Variants in CTBP1 observed in about 807,000 individuals in gnomAD.
The protein encoded by CTBP1 is C-terminal-binding protein 1.
In CTBP1, 11 loss-of-function variants were observed where a neutral mutation model predicts 42.1. That is an observed-to-expected ratio of 0.26 (90% CI 0.16 to 0.43). The LOEUF (loss-of-function observed/expected upper bound fraction) is 0.43, where lower values mean the gene tolerates loss of function less well. Among genes scored for constraint, CTBP1 ranks in the 20% least tolerant of loss-of-function variants. The probability of loss-of-function intolerance (pLI) is 1.00; values close to 1 mark genes in which losing one functional copy is unlikely to be tolerated. For missense variants in CTBP1, 399 were observed against 624.3 expected, an observed-to-expected ratio of 0.64 and a Z score of 3.85; for synonymous variants, 324 against 277.1, an observed-to-expected ratio of 1.17 and a Z score of -1.68.
chr4:1,221,893 A>G, intron 5 of CTBP1: 1 of 399,320 alleles, frequency 2.5e-6, no homozygotes, highest in Non-Finnish European at 5.0e-6. Context: ...GGGAGGAAAG[A>G]AAGAAACAAG....
chr4:1,219,969 G>A (rs1305926533), intron 5 of CTBP1, among the ~76,000 whole-genome samples: 1 of 152,236 alleles, frequency 6.6e-6, no homozygotes, highest in East Asian at 1.9e-4. Context: ...CACTTCGGGA[G>A]GCCAAGATGG....
At position 1,216,778 on chromosome 4, in the gene CTBP1, G is replaced by A. The variant is rs558468337; in HGVS notation, c.515-573C>T. The A allele has an allele frequency of 3.2e-3, 534 of 166,240 alleles. 2 individuals are homozygous for A. The highest frequency in any genetic ancestry group is 3.3e-3 in the Non-Finnish European group (251 of 75,320). 10.3% of individuals were successfully genotyped at this position (166,240 alleles called of 1,614,324 possible). A position where few individuals can be genotyped will look rare whatever the true frequency, so the allele number is the denominator to read the frequency against. On this transcript the variant is annotated intron_variant, in intron 5 of 9. Transcript: ENST00000382952. ...GCCTGCCCCCACCCCAGCAGTCCAAGGCTGGCACGGGTCCCAGCACAGGAG... is the reference window on the plus strand; with the variant it reads ...GCCTGCCCCCACCCCAGCAGTCCAAAGCTGGCACGGGTCCCAGCACAGGAG...
rs189752725 is a variant in CTBP1 at position 1,238,081 on chromosome 4, G to T, written c.162+102C>A. The T allele has an allele frequency of 8.7e-5, 129 of 1,491,108 alleles. No homozygotes were observed. The Middle Eastern group carries it at 3.4e-3, about 40-fold the overall frequency. 92.4% of individuals were successfully genotyped at this position (1,491,108 alleles called of 1,614,324 possible). ...TGGGACAGAGGCTGCTCCTGCCCCAGTGGCACCCAGACCTGCTGTGGCCCG... is the reference window on the plus strand; with the variant it reads ...TGGGACAGAGGCTGCTCCTGCCCCATTGGCACCCAGACCTGCTGTGGCCCG... On this transcript the variant is annotated intron_variant, in intron 3 of 9. Coordinates refer to ENST00000382952, the MANE Select transcript of CTBP1 (RefSeq NM_001012614.2). The surrounding 1 kb of genome is among the most constrained non-coding windows in gnomAD (Gnocchi z 5.9).
chr4:1,223,480 G>C (rs1235386996), intron 5 of CTBP1: 2 of 456,142 alleles, frequency 4.4e-6, no homozygotes, highest in Non-Finnish European at 8.8e-6. Context: ...AACGCTGGCG[G>C]GACAAGGACA....
In CTBP1 at chr4:1,216,009, G is replaced by A. The variant is rs147464431; in HGVS notation, c.711C>T (p.Asn237=). The change falls in exon 6 of 10, where the codon AAC becomes AAT. Residue 237 remains asparagine (N), a synonymous_variant. Coordinates refer to ENST00000382952, the MANE Select transcript of CTBP1 (RefSeq NM_001012614.2). ...CACGCACCTGCTTGACGGTGAAGTC[G>A]TTGATGAGGTGGTGGTTGTGCTCGT... The part of the protein sequence containing the change: ...GLNEHNHHLI[N]DFTVKQMRQG... 455 of 1,611,044 alleles carry A rather than the reference G, an allele frequency of 2.8e-4. No homozygotes were observed. The African/African-American group carries it at 3.9e-3, about 14-fold the overall frequency.
At position 1,216,111 on chromosome 4, in the gene CTBP1, C is replaced by T. The variant is rs377714722; in HGVS notation, c.609G>A (p.Ala203=). 8.7e-6 allele frequency: 14 copies of T among 1,611,392 alleles called. No homozygotes were observed. The highest frequency in any genetic ancestry group is 1.1e-5 in the Non-Finnish European group (13 of 1,179,888). Residue 203 remains alanine (A), a synonymous_variant, in exon 6 of 10, where the codon GCG becomes GCA. Coordinates refer to ENST00000382952, the MANE Select transcript of CTBP1 (RefSeq NM_001012614.2). The part of the protein sequence containing the change: ...DPYLSDGVER[A]LGLQRVSTLQ... ...GGGTGCTGACACGCTGCAGCCCCAG[C>T]GCCCGCTCCACGCCATCCGACAAGT...
At position 1,228,921 on chromosome 4, in the gene CTBP1, C is replaced by T. The variant is rs544158167; in HGVS notation, c.163-578G>A. ...AGGAGCATGCACTGCCCCCGTGTCGCCCAAGAACCTGCCCAGAAATGCTGC... is the reference window on the plus strand; with the variant it reads ...AGGAGCATGCACTGCCCCCGTGTCGTCCAAGAACCTGCCCAGAAATGCTGC... On this transcript the variant is annotated intron_variant, in intron 3 of 9. Coordinates refer to ENST00000382952, the MANE Select transcript of CTBP1 (RefSeq NM_001012614.2). Among the ~76,000 whole-genome samples the T allele has an allele frequency of 2.2e-4, 33 of 152,366 alleles. 1 individual carries two copies. Among genetic ancestry groups the T allele is most frequent in the Admixed American group, 1.9e-3 (29 of 15,308 alleles).
Position 1,211,952 on chromosome 4 carries a change from G to A in CTBP1, c.*288C>T. ...CTTTTTGTTGACAGCTAAGCAAACA[G>A]ATCCTTTGTAATGTTCTAAAAACTG... On this transcript the variant is annotated 3_prime_UTR_variant, in exon 10 of 10. Transcript: ENST00000382952. 3.4e-6 allele frequency: 1 copy of A among 291,930 alleles called. No individual in the cohort carries two copies. Among genetic ancestry groups the A allele is most frequent in the East Asian group, 5.7e-5 (1 of 17,444 alleles). The allele number at this position is 291,930 out of a possible 1,614,324, so 18.1% of individuals were successfully genotyped here. A position where few individuals can be genotyped will look rare whatever the true frequency, so the allele number is the denominator to read the frequency against.
intron 3 of CTBP1, among the ~76,000 whole-genome samples, chr4:1,229,975 C>T (rs1730787002): frequency 6.6e-6 from 1 of 151,508 alleles, no homozygotes; most frequent in Non-Finnish European, 1.5e-5. Context: ...GTTGGAGCAC[C>T]TCGGCTGCAG....
intron 5 of CTBP1, among the ~76,000 whole-genome samples, chr4:1,224,550 G>C (rs1730115539): frequency 2.0e-5 from 3 of 151,572 alleles, no homozygotes; most frequent in Admixed American, 1.3e-4. Flanking sequence ...AGGCCCGTGA[G>C]GCCCACGTGT....
chr4:1,237,907 C>A, intron 3 of CTBP1: 1 of 699,810 alleles, frequency 1.4e-6, no homozygotes. Context: ...CCTGATGGGG[C>A]TCAGGACAAA....
intron 2 of CTBP1, 59 bp downstream of exon 2, chr4:1,241,266 C>T (rs540635792): frequency 2.9e-5 from 23 of 784,950 alleles, no homozygotes; most frequent in Non-Finnish European, 3.6e-5. Context: ...CTCCTCCACA[C>T]GGTCGCAAAG....
intron 3 of CTBP1, among the ~76,000 whole-genome samples, chr4:1,228,931 T>C (rs1730678450): frequency 6.6e-6 from 1 of 152,228 alleles, no homozygotes; most frequent in African/African-American, 2.4e-5. Flanking sequence ...CCCAAGAACC[T>C]GCCCAGAAAT....
chr4:1,231,812 G>A (rs1006887177), intron 3 of CTBP1, among the ~76,000 whole-genome samples: 3 of 152,214 alleles, frequency 2.0e-5, no homozygotes, highest in Admixed American at 1.3e-4. Flanking sequence ...CATCGAGACC[G>A]GCACGGCCGT....
Position 1,214,383 on chromosome 4 carries a change from G to A in CTBP1, c.820C>T (p.Arg274Cys). The change falls in exon 7 of 10, where the codon CGC becomes TGC. Residue 274 changes from arginine (R) to cysteine (C), a missense_variant. Around this residue, in one of 4 missense-constraint regions of CTBP1, gnomAD observed 309 missense variants for 497.5 expected, o/e 0.62. Coordinates refer to ENST00000382952, the MANE Select transcript of CTBP1 (RefSeq NM_001012614.2). ...LAQALKEGRI[R>C]GAALDVHESE... ...TCGTGCACATCCAGGGCCGCGCCGC[G>A]GATCCGGCCCTCCTTCAGGGCCTGG... The A allele has an allele frequency of 6.4e-7, 1 of 1,564,800 alleles. No individual in the cohort carries two copies. Among genetic ancestry groups the A allele is most frequent in the Non-Finnish European group, 8.6e-7 (1 of 1,161,236 alleles).
At chr4:1,227,350 T>TG (rs1293250274) in intron 4 of CTBP1, among the ~76,000 whole-genome samples, 1 of 142,086 alleles carries the variant, frequency 7.0e-6, no homozygotes, top group Non-Finnish European at 1.5e-5. Context: ...TGAGTGTGTG[T>TG]GTTCCATGTG....
At chr4:1,217,096 A>T (rs1729209059) in intron 5 of CTBP1, 1 of 152,472 alleles carries the variant, frequency 6.6e-6, no homozygotes, top group South Asian at 2.1e-4. Flanking sequence ...GAAGGGAGCC[A>T]GAGAGCTGGA....
At chr4:1,241,797 G>A (rs945544773) in intron 1 of CTBP1, 18 of 1,181,212 alleles carry the variant, frequency 1.5e-5, no homozygotes, top group Admixed American at 3.8e-5. Flanking sequence ...CCAGGGCTGC[G>A]GCCACCCCCA....
chr4:1,218,822 T>C (rs1319062736), intron 5 of CTBP1, among the ~76,000 whole-genome samples: 1 of 151,674 alleles, frequency 6.6e-6, no homozygotes, highest in Non-Finnish European at 1.5e-5. Context: ...CAACAACAGA[T>C]GCAAGGAATC....
Sources: gnomAD v4.1 joint callset for allele counts (sites outside exome capture counted in the v4.1 genomes callset) on GRCh38, gnomAD v4.1.1 for gene constraint, gnomAD v4.1.1 regional missense constraint, Gnocchi (gnomAD v3.1) non-coding constraint, MANE v1.5 for transcripts, NCBI Gene and HGNC (gene_info 2026-07-23, HGNC 2026-07-21) for gene names.